The following TENM3 variants were observed in gnomAD, a reference collection of about 807,000 sequenced individuals.
TENM3 encodes teneurin-3.
A neutral mutation model predicts 255.1 loss-of-function variants in TENM3; 63 were observed. The observed-to-expected ratio is 0.25, with a 90% CI of 0.20 to 0.30. TENM3 has a LOEUF of 0.30. Among genes scored for constraint, TENM3 ranks in the 10% least tolerant of loss-of-function variants. The probability of loss-of-function intolerance (pLI) is 1.00; values close to 1 mark genes in which losing one functional copy is unlikely to be tolerated. For synonymous variants in TENM3, 1,306 were observed against 1,322.3 expected (o/e 0.99, Z 0.27); for missense variants, 2,929 against 3,461.1 (o/e 0.85, Z 3.86).
chr4:181,534,885 T>G, the TENM3 span, among the ~76,000 whole-genome samples: 1 of 152,132 alleles, frequency 6.6e-6, no homozygotes, highest in African/African-American at 2.4e-5. Context: ...TTATATCTGA[T>G]TCAAAACTTC....
intron 12 of TENM3, among the ~76,000 whole-genome samples, chr4:182,699,320 T>G (rs1225812037): frequency 6.6e-6 from 1 of 152,222 alleles, no homozygotes; most frequent in African/African-American, 2.4e-5. Context: ...TTTGTATTGT[T>G]TTTTGATAAG....
the TENM3 span, among the ~76,000 whole-genome samples, chr4:181,736,854 G>A: frequency 6.6e-6 from 1 of 152,098 alleles, no homozygotes; most frequent in East Asian, 1.9e-4. Flanking sequence ...TGAAATCTTA[G>A]GGGAAGAGGC....
the TENM3 span, among the ~76,000 whole-genome samples, chr4:181,609,653 C>A: frequency 6.6e-6 from 1 of 152,214 alleles, no homozygotes; most frequent in African/African-American, 2.4e-5. Flanking sequence ...GTGCATTTGG[C>A]CACATCAGGT....
chr4:182,775,543 C>A (rs1318292809), intron 24 of TENM3, among the ~76,000 whole-genome samples: 1 of 152,168 alleles, frequency 6.6e-6, no homozygotes, highest in African/African-American at 2.4e-5. Context: ...CACCTGCATC[C>A]CCGTTTGCTG....
At chr4:182,068,479 T>C in the TENM3 span, among the ~76,000 whole-genome samples, 57 of 151,984 alleles carry the variant, frequency 3.8e-4, no homozygotes, top group Admixed American at 7.2e-4. Flanking sequence ...AATAAACATC[T>C]TTTGGTTCCT....
chr4:181,772,450 A>ATTAAGT, the TENM3 span, among the ~76,000 whole-genome samples: 4 of 152,200 alleles, frequency 2.6e-5, no homozygotes, highest in African/African-American at 9.6e-5. Flanking sequence ...ATTAGGAAAA[A>ATTAAGT]TTAAGTGATA....
the TENM3 span, among the ~76,000 whole-genome samples, chr4:181,544,538 C>A: frequency 9.8e-4 from 149 of 152,152 alleles, no homozygotes; most frequent in African/African-American, 3.4e-3. Flanking sequence ...CTACCCCTGC[C>A]GCCCACTTCT....
the TENM3 span, among the ~76,000 whole-genome samples, chr4:182,095,782 A>T: frequency 3.3e-5 from 5 of 152,162 alleles, no homozygotes; most frequent in Admixed American, 3.3e-4. Flanking sequence ...CAGTTACCCT[A>T]ATTTGATCAT....
At chr4:181,726,902 G>C in the TENM3 span, among the ~76,000 whole-genome samples, 1 of 152,186 alleles carries the variant, frequency 6.6e-6, no homozygotes, top group East Asian at 1.9e-4. Context: ...TAATTTGCTA[G>C]AGCAGCTCAC....
intron 3 of TENM3, among the ~76,000 whole-genome samples, chr4:182,367,643 TAGAG>T (rs1364231441): frequency 1.3e-5 from 2 of 151,726 alleles, no homozygotes; most frequent in East Asian, 3.9e-4. Context: ...GTTCCTGTAA[TAGAG>T]AGAGGAAAAA....
intron 1 of TENM3, among the ~76,000 whole-genome samples, chr4:182,185,064 C>T (rs1337724422): frequency 6.9e-6 from 1 of 144,548 alleles, no homozygotes; most frequent in Non-Finnish European, 1.5e-5. Flanking sequence ...GCCTGGACAA[C>T]AAGAGCAAAA....
At chr4:181,900,019 A>G in the TENM3 span, among the ~76,000 whole-genome samples, 1 of 152,236 alleles carries the variant, frequency 6.6e-6, no homozygotes, top group South Asian at 2.1e-4. Context: ...GCTGTAATTA[A>G]TTTAGCAGAG....
chr4:182,580,168 G>C (rs1050113533), intron 3 of TENM3, among the ~76,000 whole-genome samples: 3 of 152,052 alleles, frequency 2.0e-5, no homozygotes, highest in African/African-American at 7.2e-5. Context: ...TAAAGTAAGT[G>C]GAGACAAAAG....
intron 1 of TENM3, among the ~76,000 whole-genome samples, chr4:182,220,835 T>A (rs2044779): frequency 0.33 from 50,636 of 152,040 alleles, 8,832 homozygotes; most frequent in South Asian, 0.43. Flanking sequence ...TGTGTAATAT[T>A]AAATAATAAT....
At chr4:182,097,672 C>T in the TENM3 span, among the ~76,000 whole-genome samples, 35 of 151,846 alleles carry the variant, frequency 2.3e-4, no homozygotes, top group African/African-American at 8.5e-4. Context: ...AGGCTGGCCC[C>T]GTGTGGTCCG....
intron 1 of TENM3, among the ~76,000 whole-genome samples, chr4:182,218,062 T>G (rs17308308): frequency 0.063 from 9,557 of 152,318 alleles, 404 homozygotes; most frequent in Non-Finnish European, 0.092. Context: ...TCTAAGGACC[T>G]TAATTACATT....
the TENM3 span, among the ~76,000 whole-genome samples, chr4:181,904,535 C>T: frequency 1.3e-5 from 2 of 152,122 alleles, no homozygotes; most frequent in Non-Finnish European, 2.9e-5. Context: ...TTTCTGATCA[C>T]AATTAAAATC....
the TENM3 span, among the ~76,000 whole-genome samples, chr4:181,638,279 G>A: frequency 3.9e-5 from 6 of 152,106 alleles, no homozygotes; most frequent in Non-Finnish European, 8.8e-5. Context: ...ACGAATAAGT[G>A]GGCATCAGAT....
the TENM3 span, among the ~76,000 whole-genome samples, chr4:181,617,326 G>A: frequency 5.3e-5 from 8 of 152,300 alleles, no homozygotes; most frequent in Non-Finnish European, 8.8e-5. Context: ...CAATTTAAAC[G>A]TTCAGTTTCA....
Sources: gnomAD v4.1 joint callset for allele counts (sites outside exome capture counted in the v4.1 genomes callset) on GRCh38, gnomAD v4.1.1 for gene constraint, MANE v1.5 for transcripts, NCBI Gene and HGNC (gene_info 2026-07-23, HGNC 2026-07-21) for gene names.